The following CACNA1C variants were observed in gnomAD, a reference collection of about 807,000 sequenced individuals.
CACNA1C encodes calcium voltage-gated channel subunit alpha1 C.
Under a neutral mutation model 229.0 loss-of-function variants are expected in CACNA1C, and 30 were observed. The ratio of observed to expected loss-of-function variants is 0.13; its 90% CI spans 0.10 to 0.18. CACNA1C has a LOEUF of 0.18. CACNA1C is among the 10% of genes least tolerant of loss of function. The probability of loss-of-function intolerance (pLI) is 1.00; values close to 1 mark genes in which losing one functional copy is unlikely to be tolerated. For synonymous variants in CACNA1C, 1,114 were observed against 1,132.5 expected (o/e 0.98, Z 0.33); for missense variants, 1,658 against 2,845.0 (o/e 0.58, Z 9.49).
Position 2,655,741 on chromosome 12 carries a change from G to C in CACNA1C, c.4232+503G>C, listed in dbSNP as rs117108727. 8.7e-4 allele frequency among the ~76,000 whole-genome samples: 133 copies of C among 152,312 alleles called. 2 individuals are homozygous for C. The East Asian group carries it at 0.02, about 23-fold the overall frequency. On this transcript the variant is annotated intron_variant, in intron 34 of 46. Coordinates refer to ENST00000399655, the MANE Select transcript of CACNA1C (RefSeq NM_000719.7). ...ACTGAATCCAATAGTACATGAGAAAGATGATACATCATGATCAAGTGGGTT... is the reference window on the plus strand; with the variant it reads ...ACTGAATCCAATAGTACATGAGAAACATGATACATCATGATCAAGTGGGTT...
chr12:2,080,670 G>A (rs1366943104), intron 1 of CACNA1C, among the ~76,000 whole-genome samples: 1 of 151,986 alleles, frequency 6.6e-6, no homozygotes, highest in African/African-American at 2.4e-5. Flanking sequence ...AGTGCTATAT[G>A]AAAAAGGAGA....
intron 1 of CACNA1C, among the ~76,000 whole-genome samples, chr12:2,022,986 C>T (rs2046724331): frequency 6.6e-6 from 1 of 152,066 alleles, no homozygotes; most frequent in Non-Finnish European, 1.5e-5. Flanking sequence ...TACAGTCTCC[C>T]ACTGAGAAGG....
At chr12:2,484,173 C>A (rs987161456) in intron 5 of CACNA1C, among the ~76,000 whole-genome samples, 1 of 152,084 alleles carries the variant, frequency 6.6e-6, no homozygotes, top group African/African-American at 2.4e-5. Context: ...GAAAATAGTT[C>A]CAAGAAGACA....
intron 3 of CACNA1C, among the ~76,000 whole-genome samples, chr12:2,409,542 G>A (rs557512833): frequency 5.9e-5 from 9 of 152,336 alleles, no homozygotes; most frequent in Middle Eastern, 6.8e-3. Flanking sequence ...AATCTTCAAC[G>A]AGACTCCTAT....
chr12:2,686,447 C>A (rs1234286650), intron 45 of CACNA1C, among the ~76,000 whole-genome samples, 178 bp downstream of exon 45: 2 of 152,230 alleles, frequency 1.3e-5, no homozygotes, highest in African/African-American at 4.8e-5. Flanking sequence ...AGGTGAGGGC[C>A]ACGGCAAGGT....
chr12:2,318,977 A>G (rs1275340446), intron 3 of CACNA1C, among the ~76,000 whole-genome samples: 1 of 152,024 alleles, frequency 6.6e-6, no homozygotes, highest in Non-Finnish European at 1.5e-5. Flanking sequence ...CTAAATCCTC[A>G]GGAAAAGGAC....
chr12:2,501,188 C>T (rs560493239), intron 7 of CACNA1C, among the ~76,000 whole-genome samples: 8 of 113,616 alleles, frequency 7.0e-5, no homozygotes, highest in Non-Finnish European at 1.3e-4. Context: ...CCAGCCTGGG[C>T]GACAGAGTGA....
intron 3 of CACNA1C, among the ~76,000 whole-genome samples, chr12:2,336,037 AAAAC>A (rs969324270): frequency 4.0e-5 from 6 of 151,888 alleles, no homozygotes; most frequent in African/African-American, 7.2e-5. Flanking sequence ...AAAAAAAAAA[AAAAC>A]AAACCCTAAG....
intron 3 of CACNA1C, among the ~76,000 whole-genome samples, chr12:2,404,625 C>T (rs1044998697): frequency 6.6e-6 from 1 of 152,158 alleles, no homozygotes; most frequent in Non-Finnish European, 1.5e-5. Flanking sequence ...AGGCAGAAAG[C>T]GGCCAGCTCC....
chr12:2,447,878 G>T (rs759076295), intron 3 of CACNA1C, among the ~76,000 whole-genome samples: 1 of 152,246 alleles, frequency 6.6e-6, no homozygotes, highest in Non-Finnish European at 1.5e-5. Context: ...GTTCTGAGCC[G>T]AGTGCCCACT....
At chr12:2,206,774 G>C (rs1378144147) in intron 3 of CACNA1C, among the ~76,000 whole-genome samples, 2 of 152,214 alleles carry the variant, frequency 1.3e-5, no homozygotes, top group East Asian at 3.8e-4. Flanking sequence ...TGGACCCATT[G>C]TTGTGTGAAG....
At chr12:2,250,465 A>G (rs535897224) in intron 3 of CACNA1C, among the ~76,000 whole-genome samples, 1 of 152,284 alleles carries the variant, frequency 6.6e-6, no homozygotes, top group South Asian at 2.1e-4. Context: ...CTGGGTAGCA[A>G]TTTATGGTTC....
chr12:2,602,327 A>G lies in CACNA1C; in HGVS notation c.2960+367A>G, dbSNP rs1197833580. ...TCTGCCACTGCCGTGACCTCCCCTG[A>G]CCTGGACCCTCCTTCTCCCTTTCTC... On this transcript the variant is annotated intron_variant, in intron 22 of 46. Transcript: ENST00000399655. This position sits in a 1 kb window ranked among gnomAD's most constrained non-coding sequence, Gnocchi z 4.4. 6.6e-6 allele frequency among the ~76,000 whole-genome samples: 1 copy of G among 151,966 alleles called. No individual in the cohort carries two copies. The highest frequency in any genetic ancestry group is 1.5e-5 in the Non-Finnish European group (1 of 67,992).
intron 1 of CACNA1C, among the ~76,000 whole-genome samples, chr12:2,009,140 A>G (rs571705511): frequency 1.3e-5 from 2 of 152,312 alleles, no homozygotes; most frequent in Non-Finnish European, 2.9e-5. Flanking sequence ...GGTGACTTCG[A>G]GTTTCATGAT....
intron 1 of CACNA1C, among the ~76,000 whole-genome samples, chr12:2,111,242 A>G (rs2081604756): frequency 6.6e-6 from 1 of 152,218 alleles, no homozygotes; most frequent in African/African-American, 2.4e-5. Flanking sequence ...TACAATATAA[A>G]TAAGGTCCCT....
chr12:2,280,869 AT>A (rs1310849778), intron 3 of CACNA1C, among the ~76,000 whole-genome samples: 13 of 152,252 alleles, frequency 8.5e-5, no homozygotes, highest in African/African-American at 3.1e-4. Flanking sequence ...TTAACTGAGT[AT>A]TTTTAAGGAT....
At chr12:2,622,844 T>C (rs1183006326) in intron 29 of CACNA1C, among the ~76,000 whole-genome samples, 1 of 152,192 alleles carries the variant, frequency 6.6e-6, no homozygotes, top group African/African-American at 2.4e-5. Flanking sequence ...CTGAGGCTCA[T>C]AAGTCTGGCC....
chr12:2,272,692 A>G (rs765070728), intron 3 of CACNA1C, among the ~76,000 whole-genome samples: 2 of 152,214 alleles, frequency 1.3e-5, no homozygotes, highest in Non-Finnish European at 2.9e-5. Context: ...CATCAGTATT[A>G]TAATGTGGAG....
intron 3 of CACNA1C, among the ~76,000 whole-genome samples, chr12:2,286,504 G>C (rs1200735297): frequency 1.3e-5 from 2 of 152,240 alleles, no homozygotes; most frequent in Non-Finnish European, 2.9e-5. Context: ...AACAGGGCCT[G>C]ATGGCCCAGC....
Sources: gnomAD v4.1 joint callset for allele counts (sites outside exome capture counted in the v4.1 genomes callset) on GRCh38, gnomAD v4.1.1 for gene constraint, Gnocchi (gnomAD v3.1) non-coding constraint, MANE v1.5 for transcripts, NCBI Gene and HGNC (gene_info 2026-07-23, HGNC 2026-07-21) for gene names.